Variants in SORD observed in about 807,000 individuals in gnomAD.
SORD encodes sorbitol dehydrogenase, also known as (R,R)-butanediol dehydrogenase.
In SORD, 18 loss-of-function variants were observed where a neutral mutation model predicts 35.6. That is an observed-to-expected ratio of 0.51 (90% CI 0.35 to 0.75). The LOEUF is 0.75. Among genes scored for constraint, SORD ranks in the 30% least tolerant of loss-of-function variants. SORD has a pLI of 0.01. For missense variants in SORD, 250 were observed against 390.2 expected (o/e 0.64, Z 3.03); for synonymous variants, 106 against 152.9 (o/e 0.69, Z 2.26).
chr15:45,069,194 CTTTTTT>C (rs752540495), intron 7 of SORD, 142 bp downstream of exon 7: 53 of 116,936 alleles, frequency 4.5e-4, no homozygotes, highest in South Asian at 1.1e-3. Flanking sequence ...TTTTCTTTTT[CTTTTTT>C]TTTTTTTTTT....
At chr15:45,066,574 A>G (rs917586022) in intron 5 of SORD, among the ~76,000 whole-genome samples, 12 of 152,162 alleles carry the variant, frequency 7.9e-5, no homozygotes, top group Non-Finnish European at 1.6e-4. Flanking sequence ...ATCTGCCTGC[A>G]GTAGGGCTGT....
chr15:45,027,199 G>A (rs572724955), intron 1 of SORD, among the ~76,000 whole-genome samples: 2 of 152,362 alleles, frequency 1.3e-5, no homozygotes, highest in African/African-American at 4.8e-5. Context: ...GAGTTGGAGG[G>A]AGGAAAAGGG....
intron 5 of SORD, among the ~76,000 whole-genome samples, chr15:45,066,373 G>A (rs896442034): frequency 3.3e-5 from 5 of 151,348 alleles, no homozygotes; most frequent in East Asian, 3.9e-4. Context: ...GTACAGCAGC[G>A]CGATCTTGGC....
chr15:45,066,554 T>A (rs926403985), intron 5 of SORD, among the ~76,000 whole-genome samples: 7 of 152,162 alleles, frequency 4.6e-5, no homozygotes, highest in Admixed American at 4.6e-4. Context: ...CACACCACTG[T>A]GAGCCAGCAA....
At chr15:45,040,263 A>C (rs1892944932) in intron 1 of SORD, 145 bp from the exon 2 acceptor site, 1 of 623,924 alleles carries the variant, frequency 1.6e-6, no homozygotes, top group Non-Finnish European at 2.9e-6. Context: ...TCAGGCATGC[A>C]CCCAGGAGCA....
At chr15:45,066,642 C>T (rs1320422962) in intron 5 of SORD, among the ~76,000 whole-genome samples, 6 of 152,200 alleles carry the variant, frequency 3.9e-5, no homozygotes, top group African/African-American at 1.4e-4. Context: ...CCCTAGCAGC[C>T]TTAGACCAAA....
chr15:45,046,157 A>G (rs978270402), intron 3 of SORD, among the ~76,000 whole-genome samples: 1 of 152,038 alleles, frequency 6.6e-6, no homozygotes, highest in Admixed American at 6.6e-5. Flanking sequence ...ATTCATCCTT[A>G]ATGACATAGG....
intron 3 of SORD, among the ~76,000 whole-genome samples, chr15:45,052,602 G>A (rs1331355711): frequency 6.6e-6 from 1 of 152,172 alleles, no homozygotes; most frequent in Non-Finnish European, 1.5e-5. Context: ...TTTGGGGTTT[G>A]ATAGTCTACC....
intron 3 of SORD, among the ~76,000 whole-genome samples, chr15:45,055,874 A>G (rs1256343754): frequency 1.3e-5 from 2 of 152,130 alleles, no homozygotes; most frequent in Non-Finnish European, 2.9e-5. Context: ...TATAAACAGA[A>G]CCAAAGACAA....
chr15:45,061,143 A>T lies in SORD; in HGVS notation c.342A>T (p.Ser114=), dbSNP rs1241906377. The T allele has an allele frequency of 1.1e-5, 17 of 1,613,810 alleles. No homozygotes were observed. The highest frequency in any genetic ancestry group is 1.4e-5 in the Non-Finnish European group (16 of 1,179,970). ...EFCKMGRYNL[S]PSIFFCATPP... ...GCAAGATGGGCCGATACAATCTGTC[A>T]CCTTCCATCTTCTTCTGTGCCACGC... Residue 114 remains serine (S), a synonymous_variant, in exon 4 of 9, where the codon TCA becomes TCT. Coordinates refer to ENST00000267814, the MANE Select transcript of SORD (RefSeq NM_003104.6).
chr15:45,067,190 C>T (rs112446119), intron 5 of SORD, among the ~76,000 whole-genome samples: 13 of 152,156 alleles, frequency 8.5e-5, no homozygotes, highest in African/African-American at 2.7e-4. Flanking sequence ...GGTGAAACCC[C>T]GTCTCTACTA....
At chr15:45,068,049 G>T (rs1442496623) in intron 5 of SORD, 132 bp from the exon 6 acceptor site, 6 of 721,682 alleles carry the variant, frequency 8.3e-6, no homozygotes, top group Admixed American at 4.0e-5. Context: ...AGCCGCTAAG[G>T]TCTTATCATG....
At chr15:45,072,077 A>G in intron 7 of SORD, 1 of 63,538 alleles carries the variant, frequency 1.6e-5, no homozygotes, top group South Asian at 1.1e-4. Context: ...CTGGTTCTCC[A>G]TGGGTTAAGT....
intron 3 of SORD, among the ~76,000 whole-genome samples, chr15:45,048,489 G>A (rs938796494): frequency 4.6e-5 from 7 of 152,162 alleles, no homozygotes; most frequent in African/African-American, 1.7e-4. Flanking sequence ...CAGGAGGATT[G>A]CTTGAGCCTG....
chr15:45,028,310 GAA>G (rs781131004), intron 1 of SORD, among the ~76,000 whole-genome samples: 1 of 152,262 alleles, frequency 6.6e-6, no homozygotes, highest in Non-Finnish European at 1.5e-5. Context: ...GTGGGTGACA[GAA>G]CAAGACTCTA....
At chr15:45,062,928 G>C (rs1180658006) in intron 4 of SORD, among the ~76,000 whole-genome samples, 3 of 147,378 alleles carry the variant, frequency 2.0e-5, no homozygotes, top group African/African-American at 8.0e-5. Flanking sequence ...CAAGTCTCCA[G>C]CATGAGGTCT....
intron 5 of SORD, among the ~76,000 whole-genome samples, chr15:45,067,907 C>A (rs192166724): frequency 2.6e-5 from 4 of 152,292 alleles, no homozygotes; most frequent in Admixed American, 2.6e-4. Context: ...ATTATCTCCA[C>A]TAGTGCCCAG....
At chr15:45,060,706 T>G (rs1187265395) in intron 3 of SORD, among the ~76,000 whole-genome samples, 1 of 150,812 alleles carries the variant, frequency 6.6e-6, no homozygotes, top group East Asian at 2.0e-4. Context: ...GGGAATATAC[T>G]TGGCTTGCCT....
chr15:45,026,560 G>A (rs190922242), intron 1 of SORD, among the ~76,000 whole-genome samples: 1 of 148,662 alleles, frequency 6.7e-6, no homozygotes, highest in Non-Finnish European at 1.5e-5. Context: ...AGGTATACAG[G>A]GGGGCAGGGT....
Sources: gnomAD v4.1 joint callset for allele counts (sites outside exome capture counted in the v4.1 genomes callset) on GRCh38, gnomAD v4.1.1 for gene constraint, MANE v1.5 for transcripts, NCBI Gene and HGNC (gene_info 2026-07-23, HGNC 2026-07-21) for gene names.